The following KLC4 variants were observed in gnomAD, a reference collection of about 807,000 sequenced individuals.
KLC4 encodes kinesin light chain 4, also known as kinesin-like protein 8.
KLC4 carries 49 observed loss-of-function variants against 77.2 expected under a neutral mutation model. The ratio of observed to expected loss-of-function variants is 0.63; its 90% confidence interval spans 0.50 to 0.80. The LOEUF is 0.80. Among genes scored for constraint, KLC4 ranks in the 30% least tolerant of loss-of-function variants. The pLI is 0.00. For synonymous variants in KLC4, 274 were observed against 314.5 expected (o/e 0.87, Z 1.36); for missense variants, 669 against 793.5 (o/e 0.84, Z 1.89).
intron 6 of KLC4, 28 bp downstream of exon 6, chr6:43,067,111 A>ACCCCCC: frequency 9.7e-7 from 1 of 1,034,420 alleles, no homozygotes; most frequent in East Asian, 3.7e-5. Context: ...TCCCCACCCC[A>ACCCCCC]CGCCCCGCAC....
rs1765029949 is a variant in KLC4 at position 43,059,651 on chromosome 6, C to G, written c.-60C>G. The G allele has an allele frequency of 7.3e-7, 1 of 1,363,950 alleles. No individual in the cohort carries two copies. The highest frequency in any genetic ancestry group is 9.4e-7 in the Non-Finnish European group (1 of 1,062,456). The allele number at this position is 1,363,950 out of a possible 1,614,324, so 84.5% of individuals were successfully genotyped here. ...CCATCATGGATTTAAAGGGGCAGTA[C>G]CGGCAAGAGCGGCAGCCACACCGGC... On this transcript the variant is annotated 5_prime_UTR_variant, in exon 1 of 16. The change creates a premature stop within an existing upstream ORF in the 5' untranslated region. Coordinates refer to ENST00000347162, the MANE Select transcript of KLC4 (RefSeq NM_201521.3).
At chr6:43,074,020 G>A (rs1765857554) in intron 15 of KLC4, 55 bp downstream of exon 15, 1 of 1,400,784 alleles carries the variant, frequency 7.1e-7, no homozygotes, top group African/African-American at 1.4e-5. Context: ...GACAGCCAGT[G>A]AGCAAGCCCA....
intron 13 of KLC4, 63 bp downstream of exon 13, chr6:43,073,027 C>G: frequency 6.6e-7 from 1 of 1,524,302 alleles, no homozygotes; most frequent in African/African-American, 1.4e-5. Flanking sequence ...GTGAGAGGCT[C>G]TTGGCCATGC....
Position 43,071,559 on chromosome 6 carries a change from AC to A in KLC4, c.1256-4del, listed in dbSNP as rs113147109. ...CTCTAACCTCCCCACCCCATGTATC[AC>A]CCCTAGATGACCACAAGCCCATCTG... On this transcript the variant is annotated splice_polypyrimidine_tract_variant and splice_region_variant and intron_variant, in intron 9 of 15. Coordinates refer to ENST00000347162, the MANE Select transcript of KLC4 (RefSeq NM_201521.3). 6.2e-7 allele frequency: 1 copy of A among 1,611,432 alleles called. No individual in the cohort carries two copies. The highest frequency in any genetic ancestry group is 1.1e-5 in the South Asian group (1 of 90,936).
rs558360443 is a variant in KLC4 at position 43,061,229 on chromosome 6, G to A, written c.-25-82G>A. On this transcript the variant is annotated intron_variant, in intron 1 of 15. Coordinates refer to ENST00000347162, the MANE Select transcript of KLC4 (RefSeq NM_201521.3). ...CACTCTTACTTTTGTCCCTTCACTT[G>A]GATTCCCACCACTCTCTGAGAAAGT... The A allele has an allele frequency of 4.2e-6, 6 of 1,435,396 alleles. No individual in the cohort carries two copies. In the African/African-American group the frequency reaches 8.5e-5, roughly 20 times the overall value. The allele number at this position is 1,435,396 out of a possible 1,614,324, so 88.9% of individuals were successfully genotyped here.
intron 3 of KLC4, among the ~76,000 whole-genome samples, chr6:43,063,554 A>ATTTTTTTTT (rs59259365): frequency 6.9e-6 from 1 of 145,654 alleles, no homozygotes; most frequent in African/African-American, 2.5e-5. Context: ...AAATGTGTGA[A>ATTTTTTTTT]TTTTTTTTTT....
rs761741481 is a variant in KLC4 at position 43,073,225 on chromosome 6, T to G, written c.1632T>G (p.Asp544Glu). The change falls in exon 14 of 16, where the codon GAT becomes GAG. Residue 544 changes from aspartate (D) to glutamate (E), a missense_variant and splice_region_variant. Physicochemically the swap from Asp to Glu is conservative, Grantham distance 45. Coordinates refer to ENST00000347162, the MANE Select transcript of KLC4 (RefSeq NM_201521.3). The stretch of plus-strand genomic sequence containing the variant: ...CATTGCTCACTCCTTTCTGCCAGGA[T>G]GGCAGTGGGACCCTGCAGAGGAGTG... The part of the protein sequence containing the change: ...DASVAVEWSG[D>E]GSGTLQRSGS... 1 of 1,612,376 alleles carries G rather than the reference T, an allele frequency of 6.2e-7. No individual in the cohort carries two copies. Among genetic ancestry groups the G allele is most frequent in the Non-Finnish European group, 8.5e-7 (1 of 1,178,498 alleles).
In KLC4 at chr6:43,074,740, C is replaced by A; in HGVS notation, c.*68C>A. ...ACAGCCCTCACAGCATTCCCCATTG[C>A]TCCTGGCTCTTCCCCACCCCTAGGT... On this transcript the variant is annotated 3_prime_UTR_variant, in exon 16 of 16. Coordinates refer to ENST00000347162, the MANE Select transcript of KLC4 (RefSeq NM_201521.3). 1 of 1,318,116 alleles carries A rather than the reference C, an allele frequency of 7.6e-7. No homozygotes were observed. The highest frequency in any genetic ancestry group is 1.1e-6 in the Non-Finnish European group (1 of 909,894). 81.7% of individuals were successfully genotyped at this position (1,318,116 alleles called of 1,614,324 possible). A position where few individuals can be genotyped will look rare whatever the true frequency, so the allele number is the denominator to read the frequency against.
intron 6 of KLC4, among the ~76,000 whole-genome samples, chr6:43,067,646 A>G (rs1338875379): frequency 1.3e-5 from 2 of 150,254 alleles, no homozygotes; most frequent in African/African-American, 4.9e-5. Flanking sequence ...AAATACAAAA[A>G]ATGCCGGGCG....
At chr6:43,067,794 C>CAAAAAAAAA (rs1194376962) in intron 6 of KLC4, among the ~76,000 whole-genome samples, 2 of 44,656 alleles carry the variant, frequency 4.5e-5, no homozygotes, top group Admixed American at 2.5e-4. Flanking sequence ...GACTCCGTCT[C>CAAAAAAAAA]AAAAAAAAAA....
rs1289689803 is a variant in KLC4, at chr6:43,066,326, A to C, written c.592A>C (p.Thr198Pro). ...TTTAGTGTCCCGTGGTCAAGGTGCT[A>C]CAGCAGCTCAGCAGGGTGGATATGA... ...SNGLSRGQGA[T>P]AAQQGGYEIP... The change falls in exon 5 of 16, where the codon ACA (threonine) becomes CCA (proline). Residue 198 changes from threonine (T) to proline (P), a missense_variant. Thr to Pro is a conservative substitution (Grantham distance 38). Coordinates refer to ENST00000347162, the MANE Select transcript of KLC4 (RefSeq NM_201521.3). 6.2e-7 allele frequency: 1 copy of C among 1,614,140 alleles called. No homozygotes were observed. Among genetic ancestry groups the C allele is most frequent in the Admixed American group, 1.7e-5 (1 of 60,018 alleles).
chr6:43,062,347 C>T (rs1765204831), intron 2 of KLC4, among the ~76,000 whole-genome samples: 2 of 152,150 alleles, frequency 1.3e-5, no homozygotes, highest in African/African-American at 4.8e-5. Flanking sequence ...CAGGTTCAAG[C>T]GATTCTCCTG....
chr6:43,071,547 AC>A lies in KLC4; in HGVS notation c.1256-16del. ...TCTAGCTCCCATCTCTAACCTCCCCACCCCATGTATCACCCCTAGATGACCA... is the reference window on the plus strand; with the variant it reads ...TCTAGCTCCCATCTCTAACCTCCCCACCCATGTATCACCCCTAGATGACCA... On this transcript the variant is annotated intron_variant, in intron 9 of 15. Transcript: ENST00000347162. 6.2e-7 allele frequency: 1 copy of A among 1,609,280 alleles called. No individual in the cohort carries two copies.
chr6:43,072,885 G>A lies in KLC4; in HGVS notation c.1550G>A (p.Arg517Lys). Residue 517 changes from arginine to lysine, a missense_variant, in exon 13 of 16, where the codon AGG (arginine) becomes AAG (lysine). Transcript: ENST00000347162. ...CTGCTTGGGGAGAGTGATGGTAGAA[G>A]GACCTCCCAGGAGGGCCCTGGAGAC... ...AELLGESDGRRTSQEGPGDSV... is the reference protein window; with the variant it reads ...AELLGESDGRKTSQEGPGDSV... 6.2e-7 allele frequency: 1 copy of A among 1,613,494 alleles called. No individual in the cohort carries two copies.
chr6:43,071,823 C>T, intron 10 of KLC4, 29 bp from the exon 11 acceptor site: 1 of 1,606,764 alleles, frequency 6.2e-7, no homozygotes, highest in Admixed American at 1.7e-5. Flanking sequence ...TCTCCCTGCC[C>T]TTCTTTCTGG....
chr6:43,059,676 C>G lies in KLC4; in HGVS notation c.-35C>G. 3 of 1,342,026 alleles carry G rather than the reference C, an allele frequency of 2.2e-6. No individual in the cohort carries two copies. The highest frequency in any genetic ancestry group is 9.5e-7 in the Non-Finnish European group (1 of 1,049,048). The allele number at this position is 1,342,026 out of a possible 1,614,324, so 83.1% of individuals were successfully genotyped here. A position where few individuals can be genotyped will look rare whatever the true frequency, so the allele number is the denominator to read the frequency against. The stretch of plus-strand genomic sequence containing the variant: ...CCGGCAAGAGCGGCAGCCACACCGG[C>G]AGATTGCAGGTGAGTCTTTGAGGGT... On this transcript the variant is annotated 5_prime_UTR_variant, in exon 1 of 16. Coordinates refer to ENST00000347162, the MANE Select transcript of KLC4 (RefSeq NM_201521.3).
At chr6:43,061,758 A>C (rs1308855915) in intron 2 of KLC4, among the ~76,000 whole-genome samples, 165 bp downstream of exon 2, 1 of 152,256 alleles carries the variant, frequency 6.6e-6, no homozygotes, top group Admixed American at 6.5e-5. Context: ...TGGGCACTGA[A>C]GAGATACATC....
chr6:43,072,025 A>G lies in KLC4; in HGVS notation c.1379+103A>G, dbSNP rs1200808245. ...CCCTTCCTCCCGTAGACTTTCCCTC[A>G]GCTTTAGCTCTGTTCCCTCTCCTAT... On this transcript the variant is annotated intron_variant, in intron 11 of 15. Transcript: ENST00000347162. 5.0e-6 allele frequency: 7 copies of G among 1,400,164 alleles called. No homozygotes were observed. In the African/African-American group the frequency reaches 8.5e-5, roughly 17 times the overall value. 86.7% of individuals were successfully genotyped at this position (1,400,164 alleles called of 1,614,324 possible).
chr6:43,073,817 G>T, intron 14 of KLC4, 85 bp from the exon 15 acceptor site: 1 of 1,156,892 alleles, frequency 8.6e-7, no homozygotes, highest in Non-Finnish European at 1.3e-6. Flanking sequence ...GGGTGCCCCA[G>T]TGTGGCAGTG....
Sources: gnomAD v4.1 joint callset for allele counts (sites outside exome capture counted in the v4.1 genomes callset) on GRCh38, gnomAD v4.1.1 for gene constraint, MANE v1.5 for transcripts, NCBI Gene and HGNC (gene_info 2026-07-23, HGNC 2026-07-21) for gene names.